ZSCAN25: variants seen among roughly 807,000 people sequenced by gnomAD.
ZSCAN25 encodes the protein zinc finger and SCAN domain containing 25, also known as zinc finger and SCAN domain-containing protein 25.
A neutral mutation model predicts 38.7 loss-of-function variants in ZSCAN25; 27 were observed. The observed-to-expected ratio is 0.70, with a 90% CI of 0.51 to 0.96. The LOEUF (loss-of-function observed/expected upper bound fraction) is 0.96. Ranked by LOEUF, ZSCAN25 falls within the 40% of genes least tolerant of loss-of-function variation. ZSCAN25 has a pLI of 0.00. For missense variants in ZSCAN25, 637 were observed against 705.9 expected (o/e 0.90, Z 1.11); for synonymous variants, 273 against 277.7 (o/e 0.98, Z 0.17).
chr7:99,648,481 G>A, the ZSCAN25 span: 2 of 806,360 alleles, frequency 2.5e-6, no homozygotes, highest in Admixed American at 2.5e-5. Context: ...GAAAAAATAT[G>A]ACAAAAATGC....
the ZSCAN25 span, chr7:99,717,302 T>C: frequency 6.2e-7 from 1 of 1,613,790 alleles, no homozygotes; most frequent in Non-Finnish European, 8.5e-7. Flanking sequence ...TAGTTAAATG[T>C]GCAGACATAA....
At chr7:99,627,248 C>G (rs1244084061) in intron 7 of ZSCAN25, among the ~76,000 whole-genome samples, 1 of 152,148 alleles carries the variant, frequency 6.6e-6, no homozygotes, top group Non-Finnish European at 1.5e-5. Context: ...ATAATTTCAT[C>G]TAAGAAAATA....
At chr7:99,717,664 T>A in the ZSCAN25 span, 5 of 1,612,320 alleles carry the variant, frequency 3.1e-6, no homozygotes, top group African/African-American at 1.3e-5. Context: ...AGAAAGATTT[T>A]GTCCTACATC....
At chr7:99,695,715 G>A in the ZSCAN25 span, 1 of 1,579,840 alleles carries the variant, frequency 6.3e-7, no homozygotes. Context: ...CCAATCATAA[G>A]AAGCCAAAGA....
In ZSCAN25 at chr7:99,622,576, G is replaced by C. The variant is rs775403756; in HGVS notation, c.617G>C (p.Gly206Ala). ...CTACCTGTTCTGCAGGCGGGTCCTG[G>C]CCTCCCCGCAGTGAATCCCAGAGAC... ...QALPVLQAGP[G>A]LPAVNPRDQE... The change falls in exon 6 of 8, where the codon GGC becomes GCC. Residue 206 changes from glycine to alanine, a missense_variant. By Grantham distance (60) the Gly-to-Ala change is moderately conservative (BLOSUM62 0). Transcript: ENST00000394152. 1.9e-6 allele frequency: 3 copies of C among 1,614,118 alleles called. No homozygotes were observed. In the South Asian group the frequency reaches 3.3e-5, roughly 18 times the overall value.
At chr7:99,735,233 G>C in the ZSCAN25 span, 52 of 1,198,118 alleles carry the variant, frequency 4.3e-5, no homozygotes, top group Non-Finnish European at 5.9e-5. Context: ...ATATGCTGGA[G>C]AAGGAGGCAG....
chr7:99,722,445 G>A, the ZSCAN25 span: 1 of 1,471,046 alleles, frequency 6.8e-7, no homozygotes, highest in Non-Finnish European at 9.3e-7. Context: ...AATGAAATTA[G>A]ACTTGCTGGC....
At chr7:99,656,997 T>G in the ZSCAN25 span, among the ~76,000 whole-genome samples, 1 of 152,220 alleles carries the variant, frequency 6.6e-6, no homozygotes, top group East Asian at 1.9e-4. Context: ...CTTGCTAGCA[T>G]TCTATCAATT....
chr7:99,673,854 C>T, the ZSCAN25 span, among the ~76,000 whole-genome samples: 1 of 152,142 alleles, frequency 6.6e-6, no homozygotes, highest in African/African-American at 2.4e-5. Context: ...GCTGGGAGTC[C>T]CTGGGCCACC....
chr7:99,735,340 C>A, the ZSCAN25 span: 1 of 545,684 alleles, frequency 1.8e-6, no homozygotes, highest in Non-Finnish European at 3.3e-6. Flanking sequence ...ACACACACAC[C>A]ACTCACTGAC....
At chr7:99,635,113 T>A (rs1808218634), downstream of ZSCAN25, among the ~76,000 whole-genome samples, 1 of 151,962 alleles carries the variant, frequency 6.6e-6, no homozygotes, top group African/African-American at 2.4e-5. Flanking sequence ...CTGTTAACAT[T>A]TTGTGCCAGA....
chr7:99,705,015 A>G, the ZSCAN25 span: 2 of 158,660 alleles, frequency 1.3e-5, no homozygotes, highest in Non-Finnish European at 2.8e-5. Context: ...TTTCTCCTTA[A>G]TGTGCAGGAA....
the ZSCAN25 span, among the ~76,000 whole-genome samples, chr7:99,732,376 T>C: frequency 9.2e-5 from 14 of 152,122 alleles, no homozygotes; most frequent in Non-Finnish European, 1.8e-4. Flanking sequence ...CCTTTCTAAA[T>C]TACCCACCCT....
At chr7:99,718,522 G>A in the ZSCAN25 span, among the ~76,000 whole-genome samples, 1 of 151,866 alleles carries the variant, frequency 6.6e-6, no homozygotes, top group Non-Finnish European at 1.5e-5. Flanking sequence ...AGCAAACTAG[G>A]GAGAGAAAAT....
the ZSCAN25 span, among the ~76,000 whole-genome samples, chr7:99,710,081 C>A: frequency 6.6e-6 from 1 of 152,106 alleles, no homozygotes; most frequent in Non-Finnish European, 1.5e-5. Flanking sequence ...GAAGAACATC[C>A]CTTTGTGCTC....
rs200781115 is a variant in ZSCAN25 at position 99,621,409 on chromosome 7, G to A, written c.424G>A (p.Ala142Thr). ...CHRQGEQEET[A>T]LCRGAWEPGI... ...CAGGCAGGGAGAGCAGGAGGAAACA[G>A]CACTTTGCAGAGGCGCTTGGGAGCC... The change falls in exon 5 of 8, where the codon GCA (alanine) becomes ACA (threonine). Residue 142 changes from alanine to threonine, a missense_variant. Ala to Thr is a moderately conservative substitution (Grantham distance 58). Coordinates refer to ENST00000394152, the MANE Select transcript of ZSCAN25 (RefSeq NM_145115.3). 17 of 1,499,518 alleles carry A rather than the reference G, an allele frequency of 1.1e-5. No homozygotes were observed. The Admixed American group carries it at 2.4e-4, about 21-fold the overall frequency. The allele number at this position is 1,499,518 out of a possible 1,614,324, so 92.9% of individuals were successfully genotyped here.
the ZSCAN25 span, among the ~76,000 whole-genome samples, chr7:99,673,614 C>G: frequency 6.6e-6 from 1 of 152,180 alleles, no homozygotes; most frequent in Non-Finnish European, 1.5e-5. Context: ...AGTGGTTTCC[C>G]AATCTGTTTC....
chr7:99,629,286 C>T lies in ZSCAN25; in HGVS notation c.901C>T (p.Leu301Phe). 2 of 1,614,174 alleles carry T rather than the reference C, an allele frequency of 1.2e-6. No individual in the cohort carries two copies. Among genetic ancestry groups the T allele is most frequent in the Non-Finnish European group, 8.5e-7 (1 of 1,180,020 alleles). ...ATCAGAGAGGTTTGGGGAAGCCTCT[C>T]TCCAGGGCCCTGGGCTCGGAAGGGT... is the stretch of plus-strand genomic sequence containing the variant. Reference protein sequence around the residue: ...LTSERFGEASLQGPGLGRVCE... With the variant: ...LTSERFGEASFQGPGLGRVCE... The change falls in exon 8 of 8, where the codon CTC becomes TTC. Residue 301 changes from leucine (L) to phenylalanine (F), a missense_variant. Leu to Phe is a conservative substitution (Grantham distance 22, BLOSUM62 0). Transcript: ENST00000394152. The surrounding 1 kb of genome is among the most constrained non-coding windows in gnomAD (Gnocchi z 5.6).
chr7:99,640,493 C>G, the ZSCAN25 span, among the ~76,000 whole-genome samples: 6 of 152,314 alleles, frequency 3.9e-5, no homozygotes, highest in East Asian at 7.7e-4. Flanking sequence ...GATTCCTGCT[C>G]TCATACCCCA....
Sources: allele counts gnomAD v4.1 joint callset (sites outside exome capture counted in the v4.1 genomes callset), GRCh38; gene constraint gnomAD v4.1.1; non-coding constraint Gnocchi (gnomAD v3.1); transcripts MANE v1.5; gene names NCBI Gene and HGNC (gene_info 2026-07-23, HGNC 2026-07-21).